ARHGAP6: variants seen among roughly 807,000 people sequenced by gnomAD.
The protein encoded by ARHGAP6 is rho GTPase-activating protein 6.
A neutral mutation model predicts 55.7 loss-of-function variants in ARHGAP6; 16 were observed. That is an observed-to-expected ratio of 0.29 (90% CI 0.19 to 0.44). The LOEUF (loss-of-function observed/expected upper bound fraction) is 0.44. Ranked by LOEUF, ARHGAP6 falls within the 20% of genes least tolerant of loss-of-function variation. ARHGAP6 has a pLI of 1.00. For missense variants in ARHGAP6, 698 were observed against 808.9 expected, an observed-to-expected ratio of 0.86 and a Z score of 1.66; for synonymous variants, 382 against 360.9, an observed-to-expected ratio of 1.06 and a Z score of -0.66.
chrX:11,487,097 T>C (rs2050518895), intron 1 of ARHGAP6, among the ~76,000 whole-genome samples: 2 of 111,964 alleles, frequency 1.8e-5, no homozygotes, highest in Non-Finnish European at 3.8e-5. Context: ...AGATTGGAAT[T>C]AGAAGCATTG....
At chrX:11,625,940 T>C (rs904051967) in intron 1 of ARHGAP6, among the ~76,000 whole-genome samples, 1 of 111,263 alleles carries the variant, frequency 9.0e-6, no homozygotes, top group Non-Finnish European at 1.9e-5. Context: ...TAATATATTC[T>C]CAACACATTT....
chrX:11,592,736 T>C (rs1178567951), intron 1 of ARHGAP6, among the ~76,000 whole-genome samples: 2 of 111,614 alleles, frequency 1.8e-5, no homozygotes, highest in Non-Finnish European at 3.8e-5. Context: ...AGAGAAGATG[T>C]GCTTGCCCTT....
At chrX:11,520,731 C>T (rs1021931747) in intron 1 of ARHGAP6, among the ~76,000 whole-genome samples, 6 of 111,588 alleles carry the variant, frequency 5.4e-5, no homozygotes, top group African/African-American at 1.6e-4. Context: ...CCTGAGGAAT[C>T]GCCACACTGA....
At chrX:11,178,368 G>T (rs1569243471) in intron 7 of ARHGAP6, 120 bp from the exon 8 acceptor site, 3 of 848,443 alleles carry the variant, frequency 3.5e-6, no homozygotes, top group East Asian at 7.1e-5. Context: ...CCCATTTCAT[G>T]CCTTCACTCA....
At chrX:11,456,470 C>G (rs762611563) in intron 1 of ARHGAP6, among the ~76,000 whole-genome samples, 4 of 111,920 alleles carry the variant, frequency 3.6e-5, no homozygotes, top group Admixed American at 9.5e-5. Flanking sequence ...ACAAAGAAAA[C>G]TTTGAAATGG....
At chrX:11,445,924 C>A (rs760791075) in intron 1 of ARHGAP6, among the ~76,000 whole-genome samples, 1 of 111,128 alleles carries the variant, frequency 9.0e-6, no homozygotes, top group South Asian at 3.9e-4. Flanking sequence ...TCAGCATGAA[C>A]CTTATGCCCT....
In ARHGAP6 at chrX:11,178,163, C is replaced by T. The variant is rs747280418; in HGVS notation, c.1566G>A (p.Leu522=). ...PPCNCDTLHR[L]LQFLSIVARH... is the part of the protein sequence containing the mutation. ...TGGCCACGATGGAGAGGAACTGTAG[C>T]AGGCGGTGGAGGGTGTCGCAGTTGC... Residue 522 remains leucine, a synonymous_variant, in exon 8 of 13, where the codon CTG becomes CTA. Transcript: ENST00000337414. The T allele has an allele frequency of 5.8e-6, 7 of 1,211,502 alleles. No individual in the cohort carries two copies. The East Asian group carries it at 2.1e-4, about 36-fold the overall frequency.
chrX:11,602,639 G>A (rs767326271), intron 1 of ARHGAP6, among the ~76,000 whole-genome samples: 49 of 113,053 alleles, frequency 4.3e-4, no homozygotes, highest in African/African-American at 1.5e-3. Context: ...TCTTGCAAGA[G>A]GAGGTAGGGA....
chrX:11,215,489 T>G lies in ARHGAP6; in HGVS notation c.749-18493A>C, dbSNP rs1197663072. On this transcript the variant is annotated intron_variant, in intron 2 of 12. Coordinates refer to ENST00000337414, the MANE Select transcript of ARHGAP6 (RefSeq NM_013427.3). ...CTGACATATTCTCCGCGATCCCTCCTGCTCCCACAGGAGACTCGGGGCGGG... is the reference window on the plus strand; with the variant it reads ...CTGACATATTCTCCGCGATCCCTCCGGCTCCCACAGGAGACTCGGGGCGGG... Among the ~76,000 whole-genome samples the G allele has an allele frequency of 3.5e-5, 4 of 113,252 alleles. No individual in the cohort carries two copies. In the East Asian group the frequency reaches 1.1e-3, roughly 32 times the overall value.
intron 2 of ARHGAP6, among the ~76,000 whole-genome samples, chrX:11,221,176 G>T (rs1827304486): frequency 8.9e-6 from 1 of 112,024 alleles, no homozygotes; most frequent in African/African-American, 3.3e-5. Flanking sequence ...TTCTCCTTCA[G>T]TTCTGCTCTG....
intron 1 of ARHGAP6, among the ~76,000 whole-genome samples, chrX:11,529,873 A>G (rs953502739): frequency 8.9e-6 from 1 of 111,956 alleles, no homozygotes; most frequent in African/African-American, 3.2e-5. Flanking sequence ...GTGTCTGCTC[A>G]GGAAATACAA....
intron 2 of ARHGAP6, among the ~76,000 whole-genome samples, chrX:11,237,218 T>A (rs1169484931): frequency 8.9e-6 from 1 of 112,154 alleles, no homozygotes; most frequent in Non-Finnish European, 1.9e-5. Context: ...CACTGAAATA[T>A]GACATGAGGG....
At chrX:11,537,143 T>C (rs2051111726) in intron 1 of ARHGAP6, among the ~76,000 whole-genome samples, 1 of 112,374 alleles carries the variant, frequency 8.9e-6, no homozygotes, top group African/African-American at 3.2e-5. Context: ...TATTTACAAT[T>C]AGGAATGGCT....
chrX:11,340,597 C>T (rs1308770805), intron 1 of ARHGAP6, among the ~76,000 whole-genome samples: 2 of 108,058 alleles, frequency 1.9e-5, no homozygotes, highest in East Asian at 2.8e-4. Flanking sequence ...GGCGTAGTGG[C>T]GGGCGCCTGT....
At position 11,524,744 on chromosome X, in the gene ARHGAP6, G is replaced by A. The variant is rs1188325601; in HGVS notation, c.588+139497C>T. Among the ~76,000 whole-genome samples, 10 of 110,650 alleles carry A rather than the reference G, an allele frequency of 9.0e-5. No homozygotes were observed. In the Admixed American group the frequency reaches 9.7e-4, roughly 11 times the overall value. ...AGGATGGTTTCTGGATGATTCAAGCGCATTACATTTAATGTGCACCTTATT... is the reference window on the plus strand; with the variant it reads ...AGGATGGTTTCTGGATGATTCAAGCACATTACATTTAATGTGCACCTTATT... On this transcript the variant is annotated intron_variant, in intron 1 of 12. Transcript: ENST00000337414.
intron 1 of ARHGAP6, among the ~76,000 whole-genome samples, chrX:11,472,913 G>C (rs900151934): frequency 9.0e-5 from 10 of 110,755 alleles, no homozygotes; most frequent in African/African-American, 3.3e-4. Context: ...AACTAGGCCA[G>C]ATGTGCTGCA....
chrX:11,209,864 T>C (rs887696809), intron 2 of ARHGAP6, among the ~76,000 whole-genome samples: 1 of 111,980 alleles, frequency 8.9e-6, no homozygotes, highest in African/African-American at 3.3e-5. Flanking sequence ...GGGTCACCAC[T>C]GGGATTTCTA....
intron 2 of ARHGAP6, among the ~76,000 whole-genome samples, chrX:11,199,867 A>C (rs981850212): frequency 4.4e-5 from 5 of 112,426 alleles, no homozygotes; most frequent in Non-Finnish European, 9.4e-5. Flanking sequence ...TTAGCACACC[A>C]TTTTCTCTTT....
At chrX:11,559,801 G>T (rs1219909711) in intron 1 of ARHGAP6, among the ~76,000 whole-genome samples, 3 of 108,882 alleles carry the variant, frequency 2.8e-5, no homozygotes, top group Non-Finnish European at 3.8e-5. Flanking sequence ...GGTGGTGGGT[G>T]CCTGTAATCC....
Sources: gnomAD v4.1 joint callset for allele counts (sites outside exome capture counted in the v4.1 genomes callset) on GRCh38, gnomAD v4.1.1 for gene constraint, MANE v1.5 for transcripts, NCBI Gene and HGNC (gene_info 2026-07-23, HGNC 2026-07-21) for gene names.